LAMA2: variants seen among roughly 807,000 people sequenced by gnomAD.
LAMA2 encodes the protein laminin subunit alpha 2.
LAMA2 carries 269 observed loss-of-function variants against 364.8 expected under a neutral mutation model. That is an observed-to-expected ratio of 0.74 (90% CI 0.67 to 0.82). LAMA2 has a LOEUF of 0.82. Among genes scored for constraint, LAMA2 ranks in the 40% least tolerant of loss-of-function variants. The pLI is 0.00. For synonymous variants in LAMA2, 1,379 were observed against 1,370.6 expected (o/e 1.01, Z -0.14); for missense variants, 3,807 against 3,873.2 (o/e 0.98, Z 0.45).
chr6:129,158,063 T>C, intron 8 of LAMA2: 1 of 1,612,296 alleles, frequency 6.2e-7, no homozygotes, highest in Non-Finnish European at 8.5e-7. Context: ...CGGGCTTTCC[T>C]TGGGTGCCAT....
chr6:129,365,731 T>G (rs1392029686), intron 32 of LAMA2, among the ~76,000 whole-genome samples: 2 of 152,080 alleles, frequency 1.3e-5, no homozygotes, highest in Non-Finnish European at 2.9e-5. Context: ...TATATACTTT[T>G]TGAATGTGTA....
At chr6:128,937,388 G>A (rs1779891650) in intron 1 of LAMA2, among the ~76,000 whole-genome samples, 1 of 152,020 alleles carries the variant, frequency 6.6e-6, no homozygotes, top group Admixed American at 6.6e-5. Context: ...TAATGAGATT[G>A]GAAGTGTTCC....
intron 1 of LAMA2, among the ~76,000 whole-genome samples, chr6:128,916,905 T>C (rs1319156189): frequency 6.6e-6 from 1 of 152,190 alleles, no homozygotes; most frequent in Non-Finnish European, 1.5e-5. Flanking sequence ...GATGGTAAGA[T>C]TGGATCTGAT....
In LAMA2 at chr6:129,252,211, G is replaced by C; in HGVS notation, c.2012G>C (p.Arg671Thr). 1 of 1,614,060 alleles carries C rather than the reference G, an allele frequency of 6.2e-7. No homozygotes were observed. Among genetic ancestry groups the C allele is most frequent in the East Asian group, 2.2e-5 (1 of 44,862 alleles). ...CATGGCACACATTTTCCAGTCCGTA[G>C]AAAGGAATTTATGACAGTGCTTGCG... ...TIHGTHFPVR[R>T]KEFMTVLANL... Residue 671 changes from arginine to threonine, a missense_variant, in exon 14 of 65, where the codon AGA becomes ACA. Around this residue, in one of 3 missense-constraint regions of LAMA2, gnomAD observed 3,333 missense variants for 3,345.7 expected, o/e 1.00. Transcript: ENST00000421865.
chr6:129,276,092 G>T (rs1220647433), intron 17 of LAMA2, among the ~76,000 whole-genome samples: 2 of 152,058 alleles, frequency 1.3e-5, no homozygotes, highest in East Asian at 3.9e-4. Flanking sequence ...CCAAAATCAT[G>T]AAGTAAATGA....
At chr6:129,276,195 A>T (rs577105213) in intron 17 of LAMA2, among the ~76,000 whole-genome samples, 14 of 152,192 alleles carry the variant, frequency 9.2e-5, no homozygotes, top group South Asian at 2.1e-4. Context: ...TTCTCCACTG[A>T]CATTGTGTAG....
intron 3 of LAMA2, among the ~76,000 whole-genome samples, chr6:129,060,888 T>C (rs1024307247): frequency 5.3e-5 from 8 of 152,178 alleles, no homozygotes; most frequent in African/African-American, 9.7e-5. Flanking sequence ...CTTCCACCCA[T>C]ATGGGCCTCC....
intron 63 of LAMA2, among the ~76,000 whole-genome samples, chr6:129,513,122 A>G (rs759803987): frequency 2.6e-5 from 4 of 152,212 alleles, no homozygotes; most frequent in Non-Finnish European, 2.9e-5. Flanking sequence ...AAATTTCACA[A>G]GTTTTCTATT....
intron 1 of LAMA2, among the ~76,000 whole-genome samples, chr6:128,974,874 A>G (rs183051540): frequency 6.7e-6 from 1 of 148,930 alleles, no homozygotes; most frequent in Non-Finnish European, 1.5e-5. Context: ...TTTTTTGAGA[A>G]GGAGTCTCAC....
intron 49 of LAMA2, among the ~76,000 whole-genome samples, chr6:129,461,516 A>T (rs1783254990): frequency 6.6e-6 from 1 of 152,196 alleles, no homozygotes; most frequent in Non-Finnish European, 1.5e-5. Flanking sequence ...AATACATGAA[A>T]GACAGTGAAG....
intron 12 of LAMA2, among the ~76,000 whole-genome samples, chr6:129,216,164 G>T (rs1783411995): frequency 6.6e-6 from 1 of 152,188 alleles, no homozygotes; most frequent in South Asian, 2.1e-4. Context: ...CACAACTGCA[G>T]TCTATAGCTA....
At chr6:129,169,984 T>C (rs1231800146) in intron 9 of LAMA2, among the ~76,000 whole-genome samples, 2 of 151,432 alleles carry the variant, frequency 1.3e-5, no homozygotes, top group Admixed American at 1.3e-4. Flanking sequence ...TTTTAGTTTG[T>C]ATTTCTGTGG....
rs566338451 is a variant in LAMA2, at chr6:129,461,270, A to G, written c.6992+946A>G. 2.2e-3 allele frequency among the ~76,000 whole-genome samples: 332 copies of G among 152,138 alleles called. 2 individuals carry two copies. The highest frequency in any genetic ancestry group is 7.6e-3 in the African/African-American group (314 of 41,554). ...CGTTTCTAGGACCCAAATCCTAGCAAAGTACACTTCACATTTCTTTCTCTA... is the reference window on the plus strand; with the variant it reads ...CGTTTCTAGGACCCAAATCCTAGCAGAGTACACTTCACATTTCTTTCTCTA... On this transcript the variant is annotated intron_variant, in intron 49 of 64. Transcript: ENST00000421865.
chr6:129,076,500 A>AT (rs60878641), intron 3 of LAMA2, among the ~76,000 whole-genome samples: 2 of 140,278 alleles, frequency 1.4e-5, no homozygotes, highest in Non-Finnish European at 3.0e-5. Flanking sequence ...ATTATATATA[A>AT]ATATATATAT....
chr6:129,369,747 T>C (rs1202100941), intron 33 of LAMA2, 145 bp from the exon 34 acceptor site: 1 of 719,930 alleles, frequency 1.4e-6, no homozygotes, highest in Non-Finnish European at 2.5e-6. Context: ...ACTCAATGTG[T>C]AAGTGCCCAG....
At chr6:129,344,763 G>T (rs545098818) in intron 30 of LAMA2, among the ~76,000 whole-genome samples, 10 of 152,284 alleles carry the variant, frequency 6.6e-5, no homozygotes, top group African/African-American at 2.4e-4. Context: ...TGACACCAAG[G>T]GAGAGAAGAG....
chr6:129,449,671 T>C (rs963091645), intron 45 of LAMA2, among the ~76,000 whole-genome samples: 1 of 152,332 alleles, frequency 6.6e-6, no homozygotes, highest in African/African-American at 2.4e-5. Context: ...TTGTTAGATA[T>C]GTATTCTATA....
rs573511220 is a variant in LAMA2 at position 128,995,523 on chromosome 6, C to T, written c.113-54395C>T. Among the ~76,000 whole-genome samples, 241 of 152,238 alleles carry T rather than the reference C, an allele frequency of 1.6e-3. 1 individual carries two copies. Among genetic ancestry groups the T allele is most frequent in the African/African-American group, 5.4e-3 (224 of 41,534 alleles). The stretch of plus-strand genomic sequence containing the variant: ...ATTTTTAGTAGAGACAGGGTTTCGC[C>T]GTGTTGGCCGGGCTGGTCTTGAACT... On this transcript the variant is annotated intron_variant, in intron 1 of 64. Transcript: ENST00000421865.
intron 1 of LAMA2, among the ~76,000 whole-genome samples, chr6:128,942,648 A>T (rs1034774490): frequency 2.6e-5 from 4 of 152,192 alleles, no homozygotes; most frequent in Admixed American, 6.5e-5. Flanking sequence ...GCTTCTGTAG[A>T]ATAAAAAAAA....
Sources: allele counts gnomAD v4.1 joint callset (sites outside exome capture counted in the v4.1 genomes callset), GRCh38; gene constraint gnomAD v4.1.1; regional missense constraint gnomAD v4.1.1; transcripts MANE v1.5; gene names NCBI Gene and HGNC (gene_info 2026-07-23, HGNC 2026-07-21).